Variants in CRAMP1 observed in about 807,000 individuals in gnomAD.
The protein encoded by CRAMP1 is protein cramped-like.
CRAMP1 carries 50 observed loss-of-function variants against 115.4 expected under a neutral mutation model. The observed-to-expected ratio is 0.43, with a 90% CI of 0.35 to 0.55. The LOEUF is 0.55. Ranked by LOEUF, CRAMP1 falls within the 20% of genes least tolerant of loss-of-function variation. CRAMP1 has a pLI of 0.01. For missense variants in CRAMP1, 1,679 were observed against 1,721.7 expected (o/e 0.98, Z 0.44); for synonymous variants, 866 against 745.4 (o/e 1.16, Z -2.64).
intron 4 of CRAMP1, among the ~76,000 whole-genome samples, chr16:1,634,426 A>G (rs1470338034): frequency 4.6e-5 from 7 of 152,058 alleles, no homozygotes; most frequent in African/African-American, 1.7e-4. Flanking sequence ...TGGTGCGAGG[A>G]GGCCTCATTC....
intron 11 of CRAMP1, among the ~76,000 whole-genome samples, chr16:1,660,433 C>A (rs1432903161): frequency 6.6e-6 from 1 of 152,132 alleles, no homozygotes; most frequent in Admixed American, 6.5e-5. Flanking sequence ...ACATGTAAAA[C>A]CTCAGAATAG....
chr16:1,644,409 T>C (rs1402961369), intron 6 of CRAMP1, among the ~76,000 whole-genome samples: 1 of 152,194 alleles, frequency 6.6e-6, no homozygotes, highest in African/African-American at 2.4e-5. Context: ...GAATGGGTGC[T>C]CGTTATGCAG....
At position 1,642,869 on chromosome 16, in the gene CRAMP1, C is replaced by A. The variant is rs758160313; in HGVS notation, c.827+1682C>A. 6.6e-5 allele frequency among the ~76,000 whole-genome samples: 10 copies of A among 152,344 alleles called. No individual in the cohort carries two copies. The South Asian group carries it at 8.3e-4, about 13-fold the overall frequency. On this transcript the variant is annotated intron_variant, in intron 6 of 20. Transcript: ENST00000397412. ...GAGGACGGTGCACAGAGTGGCCTGT[C>A]CGATGAGCGTTCCTTTTGCCAAAAC...
At chr16:1,624,538 T>C (rs8045124) in intron 2 of CRAMP1, among the ~76,000 whole-genome samples, 89,032 of 151,200 alleles carry the variant, frequency 0.59, 29,538 homozygotes, top group African/African-American at 0.89. Context: ...CCTGCCTCAG[T>C]CTCCCAAGTA....
At chr16:1,655,642 G>A (rs538545785) in intron 9 of CRAMP1, among the ~76,000 whole-genome samples, 17 of 152,330 alleles carry the variant, frequency 1.1e-4, no homozygotes, top group African/African-American at 4.1e-4. Context: ...GCTGGCTCCC[G>A]GCCCTGCCTG....
chr16:1,635,265 G>A (rs1275863194), intron 4 of CRAMP1, among the ~76,000 whole-genome samples: 1 of 152,206 alleles, frequency 6.6e-6, no homozygotes, highest in Non-Finnish European at 1.5e-5. Flanking sequence ...TCATCTTGTG[G>A]CGTGAGACAC....
Position 1,670,767 on chromosome 16 carries a change from G to C in CRAMP1, c.3603G>C (p.Ser1201=), listed in dbSNP as rs201262650. ...GCCCCAGCTTGTTGGATGGAAACTC[G>C]CGGGACTCATTTGTGTCCAGGTCCC... ...LLGPSLLDGN[S]RDSFVSRSLA... The change falls in exon 20 of 21, where the codon TCG becomes TCC. Residue 1201 remains serine (S), a synonymous_variant. Transcript: ENST00000397412. The C allele has an allele frequency of 5.4e-4, 866 of 1,613,866 alleles. 1 individual carries two copies. The highest frequency in any genetic ancestry group is 6.6e-4 in the Non-Finnish European group (778 of 1,179,894).
At chr16:1,652,625 G>T (rs1315518577) in intron 7 of CRAMP1, 44 bp downstream of exon 7, 4 of 1,507,864 alleles carry the variant, frequency 2.7e-6, no homozygotes, top group Non-Finnish European at 3.6e-6. Context: ...GGTGCCCATG[G>T]TGTCCCATTC....
Position 1,633,240 on chromosome 16 carries a change from A to G in CRAMP1, c.694+875A>G, listed in dbSNP as rs959188137. ...CTGGGTGGGTTATGGCATCTTGACC[A>G]TGGTGCATCAGCTTTGCCCGGAGCT... On this transcript the variant is annotated intron_variant, in intron 4 of 20. Coordinates refer to ENST00000397412, the MANE Select transcript of CRAMP1 (RefSeq NM_020825.4). 3.9e-5 allele frequency among the ~76,000 whole-genome samples: 6 copies of G among 152,240 alleles called. No individual in the cohort carries two copies. In the East Asian group the frequency reaches 7.7e-4, roughly 20 times the overall value.
intron 6 of CRAMP1, among the ~76,000 whole-genome samples, chr16:1,644,348 T>C (rs2036656713): frequency 6.6e-6 from 1 of 152,160 alleles, no homozygotes; most frequent in Non-Finnish European, 1.5e-5. Context: ...TGCTGAATAG[T>C]GTGTTCATTG....
chr16:1,641,097 A>G, intron 5 of CRAMP1, 42 bp from the exon 6 acceptor site: 2 of 1,421,190 alleles, frequency 1.4e-6, no homozygotes, highest in Non-Finnish European at 2.0e-6. Context: ...CTTTGCTCCT[A>G]ACTACATTGT....
chr16:1,654,871 C>G (rs1218455476), intron 8 of CRAMP1, among the ~76,000 whole-genome samples: 2 of 152,266 alleles, frequency 1.3e-5, no homozygotes, highest in African/African-American at 4.8e-5. Context: ...TGTATTAACA[C>G]TGTCCAGGCC....
At chr16:1,621,329 C>T (rs552844444) in intron 2 of CRAMP1, among the ~76,000 whole-genome samples, 2 of 152,362 alleles carry the variant, frequency 1.3e-5, no homozygotes, top group East Asian at 3.9e-4. Flanking sequence ...GGCCACATGG[C>T]TGTGCCCTCA....
intron 14 of CRAMP1, chr16:1,665,717 A>G (rs2036868712): frequency 7.7e-6 from 2 of 261,352 alleles, no homozygotes; most frequent in Non-Finnish European, 1.5e-5. Flanking sequence ...ATAAAACCAA[A>G]TTGCAGTGGC....
At chr16:1,623,668 G>A (rs2036484482) in intron 2 of CRAMP1, among the ~76,000 whole-genome samples, 1 of 152,224 alleles carries the variant, frequency 6.6e-6, no homozygotes, top group Non-Finnish European at 1.5e-5. Context: ...GTGGTGCAGA[G>A]GTGGACAGGC....
rs950210087 is a variant in CRAMP1 at position 1,677,615 on chromosome 16, C to T, written c.*3570C>T. The T allele has an allele frequency of 1.3e-5, 2 of 152,764 alleles. No homozygotes were observed. Among genetic ancestry groups the T allele is most frequent in the African/African-American group, 4.8e-5 (2 of 41,458 alleles). 9.5% of individuals were successfully genotyped at this position (152,764 alleles called of 1,614,324 possible). A position where few individuals can be genotyped will look rare whatever the true frequency, so the allele number is the denominator to read the frequency against. On this transcript the variant is annotated 3_prime_UTR_variant, in exon 21 of 21. Transcript: ENST00000397412. ...GCCCTGCCTCCCGCGCCCCGCTCCC[C>T]TTCTCTCTCTTACTCGGTTAAGCCA... is the stretch of plus-strand genomic sequence containing the variant.
intron 6 of CRAMP1, among the ~76,000 whole-genome samples, chr16:1,647,628 C>T (rs968333993): frequency 6.6e-6 from 1 of 151,754 alleles, no homozygotes; most frequent in Non-Finnish European, 1.5e-5. Flanking sequence ...TGTAGTCCCA[C>T]CTACTCGGGA....
At chr16:1,657,033 A>C in intron 10 of CRAMP1, 41 bp downstream of exon 10, 2 of 1,453,556 alleles carry the variant, frequency 1.4e-6, no homozygotes, top group Non-Finnish European at 1.8e-6. Context: ...GGCCCAAGGG[A>C]AGCCAGGCCC....
Position 1,672,843 on chromosome 16 carries a change from C to G in CRAMP1, c.3646-1038C>G, listed in dbSNP as rs953450923. On this transcript the variant is annotated intron_variant, in intron 20 of 20. Coordinates refer to ENST00000397412, the MANE Select transcript of CRAMP1 (RefSeq NM_020825.4). This position sits in a 1 kb window ranked among gnomAD's most constrained non-coding sequence, Gnocchi z 4.9. The stretch of plus-strand genomic sequence containing the variant: ...CCGAGGCCCTCCCGTCCTCCGTCTC[C>G]TCAGCTCTGTGCTGCCTCACTCACT... Among the ~76,000 whole-genome samples the G allele has an allele frequency of 6.6e-6, 1 of 152,258 alleles. No individual in the cohort carries two copies. Among genetic ancestry groups the G allele is most frequent in the Non-Finnish European group, 1.5e-5 (1 of 68,050 alleles).
Sources: gnomAD v4.1 joint callset for allele counts (sites outside exome capture counted in the v4.1 genomes callset) on GRCh38, gnomAD v4.1.1 for gene constraint, Gnocchi (gnomAD v3.1) non-coding constraint, MANE v1.5 for transcripts, NCBI Gene and HGNC (gene_info 2026-07-23, HGNC 2026-07-21) for gene names.